AGAP3: variants seen among roughly 807,000 people sequenced by gnomAD.
The protein encoded by AGAP3 is arf-GAP with GTPase, ANK repeat and PH domain-containing protein 3.
In AGAP3, 24 loss-of-function variants were observed where a neutral mutation model predicts 96.9. The observed-to-expected ratio is 0.25, with a 90% CI of 0.18 to 0.35. The LOEUF is 0.35. Ranked by LOEUF, AGAP3 falls within the 10% of genes least tolerant of loss-of-function variation. AGAP3 has a pLI of 1.00. For missense variants in AGAP3, 876 were observed against 1,254.2 expected (o/e 0.70, Z 4.55); for synonymous variants, 563 against 536.1 (o/e 1.05, Z -0.69).
chr7:151,128,228 G>T, intron 9 of AGAP3: 1 of 245,130 alleles, frequency 4.1e-6, no homozygotes, highest in Non-Finnish European at 8.2e-6. Context: ...ACTCCTGGCC[G>T]TCTATACCCC....
intron 9 of AGAP3, among the ~76,000 whole-genome samples, chr7:151,127,080 G>A (rs1177798919): frequency 6.6e-6 from 1 of 152,206 alleles, no homozygotes; most frequent in Admixed American, 6.5e-5. Flanking sequence ...CTCACCTCCT[G>A]TTGGGGAGGG....
At chr7:151,134,647 C>A (rs1800525421) in intron 11 of AGAP3, 79 bp downstream of exon 11, 1 of 1,406,580 alleles carries the variant, frequency 7.1e-7, no homozygotes, top group Non-Finnish European at 9.7e-7. Context: ...GGCTTGGCTG[C>A]TTCTCAGCCT....
chr7:151,112,396 C>CGTGTGTGTGTGT (rs71819427), intron 1 of AGAP3, among the ~76,000 whole-genome samples: 156 of 139,942 alleles, frequency 1.1e-3, no homozygotes, highest in African/African-American at 1.5e-3. Context: ...TTCCCCGAGA[C>CGTGTGTGTGTGT]GTGTGTGTGT....
chr7:151,123,780 G>A lies in AGAP3; in HGVS notation c.1129-14G>A, dbSNP rs781765303. ...CCTGGGCCTCTTTAACACGCCTCTT[G>A]TTTTCTCTTCCAGTCTCGGAAGGGT... On this transcript the variant is annotated splice_polypyrimidine_tract_variant and intron_variant, in intron 8 of 17. Coordinates refer to ENST00000397238, the MANE Select transcript of AGAP3 (RefSeq NM_031946.7). 6.2e-7 allele frequency: 1 copy of A among 1,613,036 alleles called. No individual in the cohort carries two copies. Among genetic ancestry groups the A allele is most frequent in the Non-Finnish European group, 8.5e-7 (1 of 1,179,784 alleles).
At chr7:151,115,077 G>C (rs1799487141) in intron 1 of AGAP3, 1 of 1,021,946 alleles carries the variant, frequency 9.8e-7, no homozygotes, top group South Asian at 3.6e-5. Flanking sequence ...GCCCAGCCCC[G>C]CGTCCAGCCC....
chr7:151,112,037 A>T (rs1375553024), intron 1 of AGAP3: 1 of 152,196 alleles, frequency 6.6e-6, no homozygotes, highest in East Asian at 1.9e-4. Flanking sequence ...GCAGAATCTT[A>T]TCAGGCACAA....
rs141009222 is a variant in AGAP3, at chr7:151,144,263, C to T, written c.*320C>T. The T allele has an allele frequency of 1.8e-4, 66 of 367,520 alleles. No individual in the cohort carries two copies. The East Asian group carries it at 2.4e-3, about 13-fold the overall frequency. 22.8% of individuals were successfully genotyped at this position (367,520 alleles called of 1,614,324 possible). ...TGCCTCCTAGTGCCAGCCCCTCACA[C>T]GCCTTCATCCTGAAACAGGAAGAGG... is the stretch of plus-strand genomic sequence containing the variant. On this transcript the variant is annotated 3_prime_UTR_variant, in exon 18 of 18. Coordinates refer to ENST00000397238, the MANE Select transcript of AGAP3 (RefSeq NM_031946.7).
intron 1 of AGAP3, chr7:151,090,239 G>A (rs544800935): frequency 6.7e-6 from 1 of 148,370 alleles, no homozygotes; most frequent in African/African-American, 2.6e-5. Flanking sequence ...TCCCAGATGG[G>A]GGGGGGGGGC....
chr7:151,132,260 C>T (rs917621146), intron 10 of AGAP3, among the ~76,000 whole-genome samples: 3 of 152,186 alleles, frequency 2.0e-5, no homozygotes, highest in Non-Finnish European at 1.5e-5. Context: ...AAGTGTGGGC[C>T]GAGCGGTTGT....
Position 151,137,027 on chromosome 7 carries a change from G to T in AGAP3, c.1496-1116G>T, listed in dbSNP as rs75817375. Reference sequence around the variant, plus strand: ...TTACTATGTGTCTGGTCCTCTTTGGGGTGTTGTGACAGATACAAGAGGAAC... The same window carrying T: ...TTACTATGTGTCTGGTCCTCTTTGGTGTGTTGTGACAGATACAAGAGGAAC... On this transcript the variant is annotated intron_variant, in intron 11 of 17. Transcript: ENST00000397238. 5.1e-3 allele frequency among the ~76,000 whole-genome samples: 777 copies of T among 152,354 alleles called. 6 individuals carry two copies. Among genetic ancestry groups the T allele is most frequent in the Middle Eastern group, 0.01 (3 of 294 alleles).
At chr7:151,117,269 C>G in intron 3 of AGAP3, 87 bp downstream of exon 3, 1 of 1,587,072 alleles carries the variant, frequency 6.3e-7, no homozygotes, top group South Asian at 1.1e-5. Context: ...GTCTCCAGCC[C>G]CCTTCCAGTC....
rs1799427947 is a variant in AGAP3, at chr7:151,114,253, A to G, written c.332-2540A>G. ...GTGCTGCAGACGAGGACACGCGCGCAGACCCGGCATGGCTGCCTCTGACGT... is the reference window on the plus strand; with the variant it reads ...GTGCTGCAGACGAGGACACGCGCGCGGACCCGGCATGGCTGCCTCTGACGT... On this transcript the variant is annotated intron_variant, in intron 1 of 17. Coordinates refer to ENST00000397238, the MANE Select transcript of AGAP3 (RefSeq NM_031946.7). The surrounding 1 kb of genome is among the most constrained non-coding windows in gnomAD (Gnocchi z 4.4). 6.6e-6 allele frequency among the ~76,000 whole-genome samples: 1 copy of G among 152,254 alleles called. No individual in the cohort carries two copies. The highest frequency in any genetic ancestry group is 2.4e-5 in the African/African-American group (1 of 41,470).
chr7:151,135,473 G>A (rs908096548), intron 11 of AGAP3, among the ~76,000 whole-genome samples: 2 of 152,200 alleles, frequency 1.3e-5, no homozygotes, highest in Non-Finnish European at 2.9e-5. Flanking sequence ...TTGGGGATAC[G>A]ACATCCAGTC....
intron 12 of AGAP3, among the ~76,000 whole-genome samples, 180 bp downstream of exon 12, chr7:151,138,493 CGTT>C (rs951654585): frequency 2.6e-5 from 4 of 152,188 alleles, no homozygotes; most frequent in African/African-American, 9.7e-5. Context: ...CTAGTACTGA[CGTT>C]GTCTTGGAAG....
rs1798615611 is a variant in AGAP3, at chr7:151,096,638, T to A, written c.331+9566T>A. ...CAGGTGCCCACCACCACGCCCGGCT[T>A]ATTTTTTGTATTTTTAGTAGAGACG... On this transcript the variant is annotated intron_variant, in intron 1 of 17. Coordinates refer to ENST00000397238, the MANE Select transcript of AGAP3 (RefSeq NM_031946.7). The surrounding 1 kb of genome is among the most constrained non-coding windows in gnomAD (Gnocchi z 4.4). Among the ~76,000 whole-genome samples the A allele has an allele frequency of 6.6e-6, 1 of 151,018 alleles. No individual in the cohort carries two copies. Among genetic ancestry groups the A allele is most frequent in the South Asian group, 2.1e-4 (1 of 4,784 alleles).
intron 9 of AGAP3, 129 bp from the exon 10 acceptor site, chr7:151,128,451 C>T: frequency 1.4e-6 from 1 of 716,574 alleles, no homozygotes; most frequent in South Asian, 1.7e-5. Flanking sequence ...TCCTTAAAGG[C>T]TGCTTTGCTC....
chr7:151,093,169 TCTCC>T (rs1798466872), intron 1 of AGAP3, among the ~76,000 whole-genome samples: 1 of 152,162 alleles, frequency 6.6e-6, no homozygotes, highest in Admixed American at 6.5e-5. Flanking sequence ...GGAGACAGGG[TCTCC>T]CTCTGTTGTC....
intron 7 of AGAP3, chr7:151,119,264 C>G (rs557325295): frequency 1.3e-4 from 20 of 158,872 alleles, no homozygotes; most frequent in Non-Finnish European, 2.4e-4. Flanking sequence ...GGTTAGGGTT[C>G]AAGGGAGGCA....
intron 1 of AGAP3, among the ~76,000 whole-genome samples, chr7:151,110,421 C>T (rs1048907204): frequency 2.0e-5 from 3 of 152,076 alleles, no homozygotes; most frequent in Non-Finnish European, 4.4e-5. Flanking sequence ...GGCAGAGGCC[C>T]GGGAGGTGTC....
Sources: allele counts gnomAD v4.1 joint callset (sites outside exome capture counted in the v4.1 genomes callset), GRCh38; gene constraint gnomAD v4.1.1; non-coding constraint Gnocchi (gnomAD v3.1); transcripts MANE v1.5; gene names NCBI Gene and HGNC (gene_info 2026-07-23, HGNC 2026-07-21).